Variants in SYNE3 observed in about 807,000 individuals in gnomAD.
The protein encoded by SYNE3 is spectrin repeat containing nuclear envelope family member 3.
Under a neutral mutation model 111.2 loss-of-function variants are expected in SYNE3, and 100 were observed. The ratio of observed to expected loss-of-function variants is 0.90; its 90% CI spans 0.77 to 1.06. SYNE3 has a LOEUF of 1.06. Ranked by LOEUF, SYNE3 falls within the 50% of genes least tolerant of loss-of-function variation. The pLI, the probability that SYNE3 is intolerant of heterozygous loss-of-function variation, is 0.00. For missense variants in SYNE3, 1,160 were observed against 1,240.3 expected (o/e 0.94, Z 0.97); for synonymous variants, 547 against 533.9 (o/e 1.02, Z -0.34).
intron 2 of SYNE3, among the ~76,000 whole-genome samples, chr14:95,468,247 A>G (rs1888316489): frequency 6.6e-6 from 1 of 152,206 alleles, no homozygotes; most frequent in Non-Finnish European, 1.5e-5. Flanking sequence ...AACTCAGACA[A>G]GTTTCATTCT....
At position 95,408,995 on chromosome 14, in the gene SYNE3, C is replaced by T. The variant is rs1017773318; in HGVS notation, c.*8831G>A. ...AGCTCCCTTCAGCGGTGGGAGTCAACGGACTTCCCCGCAGGAGTGGGCACA... is the reference window on the plus strand; with the variant it reads ...AGCTCCCTTCAGCGGTGGGAGTCAATGGACTTCCCCGCAGGAGTGGGCACA... On this transcript the variant is annotated 3_prime_UTR_variant, in exon 18 of 18. Coordinates refer to ENST00000682763, the MANE Select transcript of SYNE3 (RefSeq NM_152592.6). The T allele has an allele frequency of 4.0e-5, 15 of 372,762 alleles. No homozygotes were observed. Among genetic ancestry groups the T allele is most frequent in the East Asian group, 7.3e-5 (1 of 13,670 alleles). 23.1% of individuals were successfully genotyped at this position (372,762 alleles called of 1,614,324 possible).
chr14:95,450,003 G>A lies in SYNE3; in HGVS notation c.1377C>T (p.Ala459=). ...LQDLQLWKAL[A]QRLLEVTASL... ...TGGCAGTGACCTCCAAGAGCCGCTG[G>A]GCCAGGGCCTTCCACAGCTGCAGAT... Residue 459 remains alanine, a synonymous_variant, in exon 8 of 18, where the codon GCC becomes GCT. Coordinates refer to ENST00000682763, the MANE Select transcript of SYNE3 (RefSeq NM_152592.6). The A allele has an allele frequency of 6.4e-7, 1 of 1,555,856 alleles. No homozygotes were observed. The highest frequency in any genetic ancestry group is 1.2e-5 in the South Asian group (1 of 84,334).
chr14:95,433,562 A>T (rs539942682), intron 15 of SYNE3, among the ~76,000 whole-genome samples, 153 bp from the exon 16 acceptor site: 67 of 152,320 alleles, frequency 4.4e-4, no homozygotes, highest in Non-Finnish European at 1.3e-4. Context: ...CATCTGTGCA[A>T]TTCAAGCCAA....
intron 8 of SYNE3, among the ~76,000 whole-genome samples, chr14:95,447,713 C>T (rs1033213383): frequency 6.6e-6 from 1 of 152,120 alleles, no homozygotes; most frequent in African/African-American, 2.4e-5. Context: ...CCCCTTTTCA[C>T]CAAGCTCAGA....
At position 95,477,476 on chromosome 14, in the gene SYNE3, A is replaced by G. The variant is rs150965550; in HGVS notation, c.-14-1641T>C. 7.3e-3 allele frequency among the ~76,000 whole-genome samples: 1,110 copies of G among 152,340 alleles called. 13 individuals are homozygous for G. Among genetic ancestry groups the G allele is most frequent in the African/African-American group, 0.025 (1,025 of 41,582 alleles). ...TTTTTATTACATTACAGTAAAAATC[A>G]TCACTATTAAAAATAAAAATTGTCT... On this transcript the variant is annotated intron_variant, in intron 1 of 17. Transcript: ENST00000682763.
chr14:95,511,380 GT>G (rs1890714976), intron 1 of SYNE3, among the ~76,000 whole-genome samples: 2 of 152,240 alleles, frequency 1.3e-5, no homozygotes, highest in Non-Finnish European at 2.9e-5. Flanking sequence ...ATCGTAAAAT[GT>G]AACTCTCTTC....
rs997445896 is a variant in SYNE3, at chr14:95,500,606, A to G, written c.-15+15990T>C. Reference sequence around the variant, plus strand: ...GGGCTGAGCTCCCCATCAGACCCAGAGAACAATGCCCCACTGTTGTGTGCA... The same window carrying G: ...GGGCTGAGCTCCCCATCAGACCCAGGGAACAATGCCCCACTGTTGTGTGCA... On this transcript the variant is annotated intron_variant, in intron 1 of 17. Coordinates refer to ENST00000682763, the MANE Select transcript of SYNE3 (RefSeq NM_152592.6). This position sits in a 1 kb window ranked among gnomAD's most constrained non-coding sequence, Gnocchi z 4.7. Among the ~76,000 whole-genome samples the G allele has an allele frequency of 1.3e-5, 2 of 152,240 alleles. No homozygotes were observed. Among genetic ancestry groups the G allele is most frequent in the Admixed American group, 1.3e-4 (2 of 15,286 alleles).
At chr14:95,499,122 C>A (rs914630748) in intron 1 of SYNE3, among the ~76,000 whole-genome samples, 2 of 152,182 alleles carry the variant, frequency 1.3e-5, no homozygotes, top group Non-Finnish European at 2.9e-5. Context: ...CCTTGACTGG[C>A]AGAGCCAAAT....
chr14:95,453,705 A>G (rs531965087), intron 6 of SYNE3, among the ~76,000 whole-genome samples: 20 of 152,192 alleles, frequency 1.3e-4, no homozygotes, highest in Non-Finnish European at 2.8e-4. Context: ...ATTCAGCAGG[A>G]AGGGCAAGGG....
At chr14:95,433,165 G>A (rs898111984) in intron 16 of SYNE3, 95 bp downstream of exon 16, 1 of 1,508,254 alleles carries the variant, frequency 6.6e-7, no homozygotes, top group Non-Finnish European at 9.0e-7. Context: ...CACAGGGCAG[G>A]GTGGATGCAG....
chr14:95,432,317 A>C (rs890310975), intron 16 of SYNE3, among the ~76,000 whole-genome samples, 200 bp from the exon 17 acceptor site: 1 of 152,188 alleles, frequency 6.6e-6, no homozygotes, highest in Non-Finnish European at 1.5e-5. Context: ...CCCAGCTGGG[A>C]TTCTGTCTGG....
At chr14:95,456,300 A>G (rs1887434687) in intron 5 of SYNE3, 1 of 152,646 alleles carries the variant, frequency 6.6e-6, no homozygotes, top group Non-Finnish European at 1.5e-5. Flanking sequence ...TTACCCACTC[A>G]GTTTATGGAG....
chr14:95,494,144 A>G (rs905600555), intron 1 of SYNE3, among the ~76,000 whole-genome samples: 1 of 83,854 alleles, frequency 1.2e-5, no homozygotes, highest in Non-Finnish European at 2.3e-5. Context: ...TCTTAAAAAA[A>G]AGAAAAAAAA....
chr14:95,424,295 AC>A (rs1205408322), intron 17 of SYNE3, among the ~76,000 whole-genome samples: 2 of 151,896 alleles, frequency 1.3e-5, no homozygotes, highest in Non-Finnish European at 2.9e-5. Context: ...AGGGAGAGCC[AC>A]CCACCAGATG....
At chr14:95,466,984 C>G (rs8012346) in intron 3 of SYNE3, among the ~76,000 whole-genome samples, 71,350 of 152,042 alleles carry the variant, frequency 0.47, 18,412 homozygotes, top group African/African-American at 0.69. Context: ...CCTGCGTGTG[C>G]GTTCCAGGGG....
chr14:95,449,769 G>A (rs17755746), intron 8 of SYNE3, among the ~76,000 whole-genome samples, 162 bp downstream of exon 8: 1,904 of 152,328 alleles, frequency 0.012, 17 homozygotes, highest in Middle Eastern at 0.027. Flanking sequence ...AAGCAAGCAT[G>A]GACGCTCCCT....
At chr14:95,512,424 C>T (rs1005159335) in intron 1 of SYNE3, among the ~76,000 whole-genome samples, 1 of 152,126 alleles carries the variant, frequency 6.6e-6, no homozygotes, top group Non-Finnish European at 1.5e-5. Flanking sequence ...CATGGTGGCA[C>T]ATGCCTGTAA....
rs370181203 is a variant in SYNE3, at chr14:95,437,026, C to A, written c.2377-45G>T. The A allele has an allele frequency of 1.6e-4, 254 of 1,612,064 alleles. 1 individual carries two copies. The African/African-American group carries it at 3.0e-3, about 19-fold the overall frequency. ...CAAAGCGTCAGAGGTGAAAGAGCCC[C>A]CCTGGCCATGTGTCCTGGGAATTCC... On this transcript the variant is annotated intron_variant, in intron 14 of 17. Transcript: ENST00000682763.
intron 1 of SYNE3, among the ~76,000 whole-genome samples, chr14:95,510,531 T>A (rs560801639): frequency 6.6e-6 from 1 of 152,328 alleles, no homozygotes; most frequent in Admixed American, 6.5e-5. Context: ...TCGGGTTTGG[T>A]GGCTCATGCC....
Sources: gnomAD v4.1 joint callset for allele counts (sites outside exome capture counted in the v4.1 genomes callset) on GRCh38, gnomAD v4.1.1 for gene constraint, Gnocchi (gnomAD v3.1) non-coding constraint, MANE v1.5 for transcripts, NCBI Gene and HGNC (gene_info 2026-07-23, HGNC 2026-07-21) for gene names.